Variants in IL1RAPL1 observed in about 807,000 individuals in gnomAD.
IL1RAPL1 encodes the protein interleukin 1 receptor accessory protein like 1.
Under a neutral mutation model 48.4 loss-of-function variants are expected in IL1RAPL1, and 3 were observed. The observed-to-expected ratio is 0.06, with a 90% confidence interval of 0.03 to 0.16. IL1RAPL1 has a LOEUF of 0.16. Among genes scored for constraint, IL1RAPL1 ranks in the 10% least tolerant of loss-of-function variants. IL1RAPL1 has a pLI of 1.00. For missense variants in IL1RAPL1, 349 were observed against 530.6 expected, an observed-to-expected ratio of 0.66 and a Z score of 3.36; for synonymous variants, 185 against 187.7, an observed-to-expected ratio of 0.99 and a Z score of 0.12.
At chrX:29,942,845 C>G (rs1369771082) in intron 9 of IL1RAPL1, among the ~76,000 whole-genome samples, 2 of 110,303 alleles carry the variant, frequency 1.8e-5, no homozygotes, top group Non-Finnish European at 3.8e-5. Flanking sequence ...GGTCTTGAAC[C>G]CCTGACCTCA....
At chrX:29,823,995 C>T (rs1226638508) in intron 6 of IL1RAPL1, among the ~76,000 whole-genome samples, 7 of 111,512 alleles carry the variant, frequency 6.3e-5, no homozygotes, top group African/African-American at 2.0e-4. Flanking sequence ...CTCACATCCC[C>T]GGATACCCAT....
At chrX:29,918,145 ATATATATATATATAT>A (rs1227535745) in intron 7 of IL1RAPL1, among the ~76,000 whole-genome samples, 285 of 15,296 alleles carry the variant, frequency 0.019, 16 homozygotes, top group African/African-American at 0.088. Context: ...AAAAAAAAAA[ATATATATATATATAT>A]ATATATATAT....
intron 2 of IL1RAPL1, among the ~76,000 whole-genome samples, chrX:29,045,967 TCTTCTC>T: frequency 1.6e-5 from 1 of 63,566 alleles, no homozygotes; most frequent in South Asian, 1.4e-3. Flanking sequence ...TCCTCCTCCT[TCTTCTC>T]CTCCTTCTTC....
intron 2 of IL1RAPL1, among the ~76,000 whole-genome samples, chrX:29,141,323 C>T (rs999008906): frequency 4.5e-5 from 5 of 111,343 alleles, no homozygotes; most frequent in African/African-American, 1.6e-4. Flanking sequence ...GAAGCAATCA[C>T]AGGCTATTTG....
chrX:29,595,545 G>C (rs953126052), intron 5 of IL1RAPL1, among the ~76,000 whole-genome samples: 1 of 111,809 alleles, frequency 8.9e-6, no homozygotes, highest in Non-Finnish European at 1.9e-5. Flanking sequence ...CTTCTTTGGA[G>C]AGTTGTCTGT....
intron 6 of IL1RAPL1, among the ~76,000 whole-genome samples, chrX:29,732,465 C>T (rs1201822348): frequency 2.7e-5 from 3 of 111,634 alleles, no homozygotes; most frequent in African/African-American, 9.8e-5. Context: ...TCTCCATTTT[C>T]CTCGCAATCA....
chrX:29,067,982 T>C (rs776248011), intron 2 of IL1RAPL1, among the ~76,000 whole-genome samples: 1 of 112,155 alleles, frequency 8.9e-6, no homozygotes, highest in South Asian at 3.7e-4. Context: ...ACAAGAATTT[T>C]TTAATGGTCC....
chrX:29,906,152 C>T (rs1157959308), intron 6 of IL1RAPL1, among the ~76,000 whole-genome samples: 2 of 107,494 alleles, frequency 1.9e-5, no homozygotes, highest in Non-Finnish European at 3.8e-5. Context: ...CTGGCTAACA[C>T]GGTGAAACCC....
At chrX:29,198,653 A>G (rs1025529909) in intron 2 of IL1RAPL1, among the ~76,000 whole-genome samples, 2 of 111,535 alleles carry the variant, frequency 1.8e-5, no homozygotes, top group African/African-American at 6.5e-5. Context: ...TGATGTGACT[A>G]TTAAGCAGGC....
intron 1 of IL1RAPL1, among the ~76,000 whole-genome samples, chrX:28,753,043 G>T (rs769377608): frequency 9.0e-6 from 1 of 111,672 alleles, no homozygotes; most frequent in South Asian, 3.7e-4. Context: ...AAACTATGAC[G>T]CAGAAACGAA....
intron 1 of IL1RAPL1, among the ~76,000 whole-genome samples, chrX:28,684,472 C>A (rs1210435166): frequency 8.9e-6 from 1 of 112,056 alleles, no homozygotes; most frequent in Non-Finnish European, 1.9e-5. Flanking sequence ...ATCCTCGAAG[C>A]CTCTCCTACA....
At chrX:29,647,455 C>G (rs1200595008) in intron 5 of IL1RAPL1, among the ~76,000 whole-genome samples, 1 of 103,865 alleles carries the variant, frequency 9.6e-6, no homozygotes, top group Non-Finnish European at 2.0e-5. Context: ...AATAACTACA[C>G]TAACTTATTA....
chrX:29,816,922 T>C (rs970304448), intron 6 of IL1RAPL1, among the ~76,000 whole-genome samples: 5 of 110,321 alleles, frequency 4.5e-5, no homozygotes, highest in Non-Finnish European at 7.6e-5. Flanking sequence ...ATTACCAAGA[T>C]AATGGATGTG....
intron 8 of IL1RAPL1, 78 bp from the exon 9 acceptor site, chrX:29,941,573 G>A (rs932565601): frequency 1.9e-6 from 2 of 1,039,314 alleles, no homozygotes; most frequent in Non-Finnish European, 2.7e-6. Flanking sequence ...CCAGGAAAAT[G>A]TGAAATCAAA....
intron 3 of IL1RAPL1, among the ~76,000 whole-genome samples, chrX:29,334,868 C>A (rs1270824550): frequency 8.9e-6 from 1 of 112,689 alleles, no homozygotes; most frequent in South Asian, 3.6e-4. Context: ...ACTTCCCAGA[C>A]GGGTTGGCGG....
chrX:29,310,018 C>A (rs1460023849), intron 3 of IL1RAPL1, among the ~76,000 whole-genome samples: 1 of 90,467 alleles, frequency 1.1e-5, no homozygotes, highest in Non-Finnish European at 2.1e-5. Context: ...GGCGTGAAAC[C>A]GGGAGGCAGA....
chrX:29,866,287 G>A (rs1458482875), intron 6 of IL1RAPL1, among the ~76,000 whole-genome samples: 1 of 111,378 alleles, frequency 9.0e-6, no homozygotes, highest in Non-Finnish European at 1.9e-5. Flanking sequence ...CCAGGACTGG[G>A]GGCCAGGAGT....
chrX:29,445,867 G>C (rs1282789676), intron 5 of IL1RAPL1, among the ~76,000 whole-genome samples: 1 of 111,927 alleles, frequency 8.9e-6, no homozygotes, highest in Admixed American at 9.5e-5. Flanking sequence ...ACACTCCTTT[G>C]ACTTAAAGGG....
At chrX:29,775,396 G>A (rs930509332) in intron 6 of IL1RAPL1, among the ~76,000 whole-genome samples, 3 of 111,578 alleles carry the variant, frequency 2.7e-5, no homozygotes, top group African/African-American at 9.8e-5. Flanking sequence ...CTTGTGAGAA[G>A]CAAAAGGGGA....
Sources: allele counts gnomAD v4.1 joint callset (sites outside exome capture counted in the v4.1 genomes callset), GRCh38; gene constraint gnomAD v4.1.1; transcripts MANE v1.5; gene names NCBI Gene and HGNC (gene_info 2026-07-23, HGNC 2026-07-21).